RNF126: variants seen among roughly 807,000 people sequenced by gnomAD.
The protein encoded by RNF126 is ring finger protein 126.
Under a neutral mutation model 41.9 loss-of-function variants are expected in RNF126, and 20 were observed. The ratio of observed to expected loss-of-function variants is 0.48; its 90% CI spans 0.34 to 0.69. The LOEUF is 0.69. Among genes scored for constraint, RNF126 ranks in the 30% least tolerant of loss-of-function variants. The probability of loss-of-function intolerance (pLI) is 0.01; values close to 1 mark genes in which losing one functional copy is unlikely to be tolerated. For missense variants in RNF126, 433 were observed against 460.6 expected (o/e 0.94, Z 0.55); for synonymous variants, 239 against 202.9 (o/e 1.18, Z -1.51).
rs1344795725 is a variant in RNF126, at chr19:648,294, G to A, written c.787-17C>T. 12 of 1,550,188 alleles carry A rather than the reference G, an allele frequency of 7.7e-6. No individual in the cohort carries two copies. Among genetic ancestry groups the A allele is most frequent in the East Asian group, 2.4e-5 (1 of 41,084 alleles). ...GCTGTCGTGCTTTGTGGGGACAGAG[G>A]CAGGGACGGGAGAAGGGGCAGGTTA... On this transcript the variant is annotated splice_polypyrimidine_tract_variant and intron_variant, in intron 8 of 8. Coordinates refer to ENST00000292363, the MANE Select transcript of RNF126 (RefSeq NM_194460.3).
chr19:652,046 C>T (rs899571908), intron 3 of RNF126, 187 bp downstream of exon 3: 45 of 696,834 alleles, frequency 6.5e-5, no homozygotes, highest in Non-Finnish European at 7.2e-5. Flanking sequence ...GTGGAAGTTT[C>T]GCTTTCATCC....
At chr19:649,168 TGGAATGGG>T (rs988920237) in intron 6 of RNF126, 193 bp from the exon 7 acceptor site, 22 of 243,736 alleles carry the variant, frequency 9.0e-5, no homozygotes, top group East Asian at 6.8e-4. Context: ...CCCCTGACGG[TGGAATGGG>T]GGAATGGGCG....
chr19:655,345 GAAAC>G (rs1473567790), intron 1 of RNF126, among the ~76,000 whole-genome samples: 1 of 151,796 alleles, frequency 6.6e-6, no homozygotes, highest in Non-Finnish European at 1.5e-5. Flanking sequence ...AAGAAAAAGA[GAAAC>G]AGACAACGCA....
Position 651,616 on chromosome 19 carries a change from C to T in RNF126, c.438G>A (p.Leu146=). The change falls in exon 4 of 9, where the codon CTG becomes CTA. Residue 146 remains leucine (L), a synonymous_variant. Transcript: ENST00000292363. ...CACCCCCGGGGCCCCCTCACCCTTCCAGCGTGGGGACGCCTTCGTGCCGGC... is the reference window on the plus strand; with the variant it reads ...CACCCCCGGGGCCCCCTCACCCTTCTAGCGTGGGGACGCCTTCGTGCCGGC... The part of the protein sequence containing the change: ...ATGRHEGVPT[L]EGIIQQLVNG... 1 of 1,434,768 alleles carries T rather than the reference C, an allele frequency of 7.0e-7. No homozygotes were observed. Among genetic ancestry groups the T allele is most frequent in the South Asian group, 1.5e-5 (1 of 67,920 alleles). The allele number at this position is 1,434,768 out of a possible 1,614,324, so 88.9% of individuals were successfully genotyped here.
At chr19:660,922 T>G (rs560390797) in intron 1 of RNF126, among the ~76,000 whole-genome samples, 13 of 152,366 alleles carry the variant, frequency 8.5e-5, no homozygotes, top group Admixed American at 5.2e-4. Flanking sequence ...GCCCTTGGGA[T>G]CACCCGCGGG....
rs766379862 is a variant in RNF126 at position 652,307 on chromosome 19, A to T, written c.135-11T>A. ...CCATTTTCTGTGCTCCTGGGGAGAGAGTGCAGGTCAGCAGTGCCGGCTACC... is the reference window on the plus strand; with the variant it reads ...CCATTTTCTGTGCTCCTGGGGAGAGTGTGCAGGTCAGCAGTGCCGGCTACC... On this transcript the variant is annotated splice_polypyrimidine_tract_variant and intron_variant, in intron 2 of 8. Transcript: ENST00000292363. The T allele has an allele frequency of 3.5e-5, 54 of 1,554,160 alleles. No homozygotes were observed. Among genetic ancestry groups the T allele is most frequent in the Non-Finnish European group, 3.2e-5 (37 of 1,155,036 alleles).
chr19:660,996 G>A (rs1022891485), intron 1 of RNF126, among the ~76,000 whole-genome samples: 1 of 152,252 alleles, frequency 6.6e-6, no homozygotes, highest in East Asian at 1.9e-4. Context: ...ATCTACCAAC[G>A]TCCATGATTA....
intron 6 of RNF126, 132 bp downstream of exon 6, chr19:649,547 G>C (rs1445979045): frequency 4.6e-5 from 32 of 692,290 alleles, no homozygotes; most frequent in Non-Finnish European, 7.5e-5. Context: ...GTGCCCGCCA[G>C]AGCGTGGAGG....
chr19:651,999 T>C lies in RNF126; in HGVS notation c.199-144A>G, dbSNP rs1055596425. On this transcript the variant is annotated intron_variant, in intron 3 of 8. Transcript: ENST00000292363. Reference sequence around the variant, plus strand: ...GGAGACGCAGACAGGGAGGCAGGAATTGGGCAGAGCCTGCCCCGCTGGTGT... The same window carrying C: ...GGAGACGCAGACAGGGAGGCAGGAACTGGGCAGAGCCTGCCCCGCTGGTGT... The C allele has an allele frequency of 5.5e-5, 42 of 769,656 alleles. No individual in the cohort carries two copies. In the African/African-American group the frequency reaches 7.2e-4, roughly 13 times the overall value. The allele number at this position is 769,656 out of a possible 1,614,324, so 47.7% of individuals were successfully genotyped here. A position where few individuals can be genotyped will look rare whatever the true frequency, so the allele number is the denominator to read the frequency against.
At chr19:654,622 G>A (rs1325768490) in intron 1 of RNF126, among the ~76,000 whole-genome samples, 11 of 119,608 alleles carry the variant, frequency 9.2e-5, no homozygotes, top group Non-Finnish European at 1.6e-4. Context: ...CAGCCTGGGC[G>A]AGGGAGCAAG....
At chr19:660,055 G>A (rs1006191516) in intron 1 of RNF126, among the ~76,000 whole-genome samples, 2 of 152,198 alleles carry the variant, frequency 1.3e-5, no homozygotes, top group Non-Finnish European at 2.9e-5. Flanking sequence ...GTGAGCCACC[G>A]CGCTCGGCCT....
At position 648,179 on chromosome 19, in the gene RNF126, T is replaced by C. The variant is rs1267709397; in HGVS notation, c.885A>G (p.Ser295=). Residue 295 remains serine, a synonymous_variant, in exon 9 of 9, where the codon TCA becomes TCG. Coordinates refer to ENST00000292363, the MANE Select transcript of RNF126 (RefSeq NM_194460.3). ...TGCTGGGCGAGCTGGAGGAGGACGATGACGACGAGGAGGAGAAGCTCACCC... is the reference window on the plus strand; with the variant it reads ...TGCTGGGCGAGCTGGAGGAGGACGACGACGACGAGGAGGAGAAGCTCACCC... ...LTGVSFSSSS[S]SSSSSSPSNE... is the part of the protein sequence containing the mutation. The C allele has an allele frequency of 3.1e-6, 5 of 1,606,764 alleles. No homozygotes were observed. The South Asian group carries it at 4.4e-5, about 14-fold the overall frequency.
chr19:661,807 C>T (rs1189149655), intron 1 of RNF126, among the ~76,000 whole-genome samples: 3 of 152,186 alleles, frequency 2.0e-5, no homozygotes, highest in Admixed American at 2.0e-4. Flanking sequence ...TCCTCAATGC[C>T]TGCAGCCTCT....
At chr19:661,134 G>A (rs539755530) in intron 1 of RNF126, among the ~76,000 whole-genome samples, 15 of 152,252 alleles carry the variant, frequency 9.9e-5, no homozygotes, top group Non-Finnish European at 1.9e-4. Context: ...CAGGCCCAGT[G>A]ACAGTCGGAG....
chr19:659,772 T>G lies in RNF126; in HGVS notation c.75+3275A>C, dbSNP rs2030717205. On this transcript the variant is annotated intron_variant, in intron 1 of 8. Transcript: ENST00000292363. The surrounding 1 kb of genome is among the most constrained non-coding windows in gnomAD (Gnocchi z 4.9). ...CAGACACCCTCGTCATCGCCTTTTT[T>G]TTTTTTTTTTGGAAGGAGTCTTGCT... Among the ~76,000 whole-genome samples the G allele has an allele frequency of 6.6e-6, 1 of 151,318 alleles. No homozygotes were observed. Among genetic ancestry groups the G allele is most frequent in the Non-Finnish European group, 1.5e-5 (1 of 67,652 alleles).
In RNF126 at chr19:652,810, CAG is replaced by C. The variant is rs1491158443; in HGVS notation, c.134+14_134+15del. 7.4e-6 allele frequency: 12 copies of C among 1,611,664 alleles called. No individual in the cohort carries two copies. In the East Asian group the frequency reaches 2.5e-4, roughly 33 times the overall value. On this transcript the variant is annotated intron_variant, in intron 2 of 8. Transcript: ENST00000292363. ...CGGCTGGCTCTTCCAGCCTCTTCAACAGGGGGCTGCATTACCTGGTCTCTTCC... is the reference window on the plus strand; with the variant it reads ...CGGCTGGCTCTTCCAGCCTCTTCAACGGGGCTGCATTACCTGGTCTCTTCC...
At chr19:651,310 G>A (rs916859083) in intron 4 of RNF126, 4 of 262,690 alleles carry the variant, frequency 1.5e-5, no homozygotes, top group African/African-American at 2.3e-5. Context: ...CTCTGTTCTG[G>A]GCCCAAGGCC....
At position 651,599 on chromosome 19, in the gene RNF126, G is replaced by A; in HGVS notation, c.443+12C>T. ...CGTGGGGCCCTCGCGGCCACCCCCGGGGCCCCCTCACCCTTCCAGCGTGGG... is the reference window on the plus strand; with the variant it reads ...CGTGGGGCCCTCGCGGCCACCCCCGAGGCCCCCTCACCCTTCCAGCGTGGG... On this transcript the variant is annotated intron_variant, in intron 4 of 8. Transcript: ENST00000292363. 1 of 1,408,176 alleles carries A rather than the reference G, an allele frequency of 7.1e-7. No homozygotes were observed. Among genetic ancestry groups the A allele is most frequent in the Non-Finnish European group, 9.2e-7 (1 of 1,085,858 alleles). The allele number at this position is 1,408,176 out of a possible 1,614,324, so 87.2% of individuals were successfully genotyped here. A position where few individuals can be genotyped will look rare whatever the true frequency, so the allele number is the denominator to read the frequency against.
rs895842513 is a variant in RNF126, at chr19:653,235, C to T, written c.76-351G>A. 4.6e-5 allele frequency among the ~76,000 whole-genome samples: 7 copies of T among 152,270 alleles called. No individual in the cohort carries two copies. In the East Asian group the frequency reaches 7.7e-4, roughly 17 times the overall value. On this transcript the variant is annotated intron_variant, in intron 1 of 8. Coordinates refer to ENST00000292363, the MANE Select transcript of RNF126 (RefSeq NM_194460.3). ...ACCTCCTCACACAGGTGGCACCACT[C>T]GGAGGGGTGCCCCAATACCCCACAG...
Sources: gnomAD v4.1 joint callset for allele counts (sites outside exome capture counted in the v4.1 genomes callset) on GRCh38, gnomAD v4.1.1 for gene constraint, Gnocchi (gnomAD v3.1) non-coding constraint, MANE v1.5 for transcripts, NCBI Gene and HGNC (gene_info 2026-07-23, HGNC 2026-07-21) for gene names.